Variants in PPFIA2 observed in about 807,000 individuals in gnomAD.
PPFIA2 encodes the protein PPFI scaffold protein A2, also known as liprin-alpha-2.
In PPFIA2, 46 loss-of-function variants were observed where a neutral mutation model predicts 175.5. The ratio of observed to expected loss-of-function variants is 0.26; its 90% CI spans 0.21 to 0.34. The LOEUF (loss-of-function observed/expected upper bound fraction) is 0.34. Among genes scored for constraint, PPFIA2 ranks in the 10% least tolerant of loss-of-function variants. The pLI, the probability that PPFIA2 is intolerant of heterozygous loss-of-function variation, is 1.00. For synonymous variants in PPFIA2, 568 were observed against 511.4 expected (o/e 1.11, Z -1.49); for missense variants, 1,179 against 1,506.1 (o/e 0.78, Z 3.60).
intron 4 of PPFIA2, among the ~76,000 whole-genome samples, chr12:81,625,159 A>G (rs148790564): frequency 1.3e-5 from 2 of 151,972 alleles, no homozygotes; most frequent in African/African-American, 4.8e-5. Flanking sequence ...ACACACATAT[A>G]TATATCTGTA....
chr12:81,512,381 T>C, intron 4 of PPFIA2: 1 of 1,286,818 alleles, frequency 7.8e-7, no homozygotes, highest in Non-Finnish European at 1.0e-6. Flanking sequence ...TCTCTGAGCA[T>C]TCTACCTTCT....
At chr12:81,488,640 G>C (rs1359729984) in intron 4 of PPFIA2, among the ~76,000 whole-genome samples, 1 of 151,684 alleles carries the variant, frequency 6.6e-6, no homozygotes, top group Non-Finnish European at 1.5e-5. Flanking sequence ...TCCTTGCCCT[G>C]TCTATTTGGA....
chr12:81,327,845 TATAAA>T (rs2055152645), intron 21 of PPFIA2, among the ~76,000 whole-genome samples: 1 of 152,088 alleles, frequency 6.6e-6, no homozygotes, highest in East Asian at 1.9e-4. Context: ...TTCTCATAAC[TATAAA>T]ATAAAAAGCA....
chr12:81,696,902 T>C (rs1349107498), intron 3 of PPFIA2, among the ~76,000 whole-genome samples: 1 of 152,034 alleles, frequency 6.6e-6, no homozygotes, highest in African/African-American at 2.4e-5. Context: ...CCTTATGCAC[T>C]TGAAAAGAAA....
At chr12:81,434,914 A>G (rs1031330835) in intron 7 of PPFIA2, among the ~76,000 whole-genome samples, 1 of 152,202 alleles carries the variant, frequency 6.6e-6, no homozygotes, top group African/African-American at 2.4e-5. Flanking sequence ...ACAAATAATA[A>G]CAGTTTGGCA....
intron 4 of PPFIA2, among the ~76,000 whole-genome samples, chr12:81,564,669 A>C (rs2070915813): frequency 6.6e-6 from 1 of 152,324 alleles, no homozygotes; most frequent in Admixed American, 6.5e-5. Context: ...AGAGGCAAGC[A>C]GTTTACTGAC....
chr12:81,442,892 T>A (rs1222030822), intron 6 of PPFIA2, among the ~76,000 whole-genome samples: 3 of 117,082 alleles, frequency 2.6e-5, no homozygotes, highest in African/African-American at 9.6e-5. Flanking sequence ...TATATATATA[T>A]ATATATAGTA....
chr12:81,536,034 G>A (rs2065321349), intron 4 of PPFIA2, among the ~76,000 whole-genome samples: 1 of 151,666 alleles, frequency 6.6e-6, no homozygotes, highest in African/African-American at 2.4e-5. Flanking sequence ...TTGTTCCTCA[G>A]ATTCATTTTC....
At chr12:81,335,062 T>C (rs918059994) in intron 21 of PPFIA2, among the ~76,000 whole-genome samples, 18 of 152,282 alleles carry the variant, frequency 1.2e-4, no homozygotes, top group African/African-American at 4.3e-4. Context: ...GTGTTTGGAA[T>C]TGATGCTGTG....
chr12:81,305,152 C>A (rs2048840471), intron 22 of PPFIA2, among the ~76,000 whole-genome samples: 1 of 152,072 alleles, frequency 6.6e-6, no homozygotes, highest in South Asian at 2.1e-4. Flanking sequence ...TACTTAATCT[C>A]TTTGAGACTT....
At chr12:81,340,997 A>T in intron 20 of PPFIA2, 81 bp downstream of exon 20, 1 of 1,364,624 alleles carries the variant, frequency 7.3e-7, no homozygotes, top group Admixed American at 2.1e-5. Flanking sequence ...ATTGTTAAGC[A>T]GTCTATTCGA....
chr12:81,368,676 C>A, intron 13 of PPFIA2, 49 bp downstream of exon 13: 1 of 1,555,504 alleles, frequency 6.4e-7, no homozygotes, highest in South Asian at 1.2e-5. Context: ...ATAAAACAAA[C>A]ATGAGCATTG....
intron 4 of PPFIA2, among the ~76,000 whole-genome samples, chr12:81,667,897 A>C (rs1482483659): frequency 6.6e-6 from 1 of 152,038 alleles, no homozygotes; most frequent in Non-Finnish European, 1.5e-5. Context: ...CCTGCATTCT[A>C]TCTGCTTCAT....
intron 4 of PPFIA2, among the ~76,000 whole-genome samples, chr12:81,525,161 A>G (rs1246777985): frequency 6.6e-6 from 1 of 152,170 alleles, no homozygotes; most frequent in Admixed American, 6.5e-5. Context: ...ACCCCTTTAG[A>G]TAGAGTCAAT....
intron 5 of PPFIA2, 112 bp from the exon 6 acceptor site, chr12:81,445,832 C>T: frequency 1.0e-6 from 1 of 973,796 alleles, no homozygotes. Context: ...ATGTTAGCTG[C>T]AGGTTACACT....
In PPFIA2 at chr12:81,267,036, TACAGTTACCATC is replaced by T. The variant is rs2037461504; in HGVS notation, c.3487-28_3487-17del. The T allele has an allele frequency of 6.3e-7, 1 of 1,584,680 alleles. No homozygotes were observed. The highest frequency in any genetic ancestry group is 8.7e-7 in the Non-Finnish European group (1 of 1,154,258). On this transcript the variant is annotated splice_polypyrimidine_tract_variant and intron_variant, in intron 29 of 32. Coordinates refer to ENST00000549396, the MANE Select transcript of PPFIA2 (RefSeq NM_003625.5). ...TCTGCCTTGCCTGTTGACGTCAAAT[TACAGTTACCATC>T]ACCGAAATCACATTTTATTTTAAAA...
At chr12:81,279,509 C>T (rs976803771) in intron 27 of PPFIA2, among the ~76,000 whole-genome samples, 1 of 152,038 alleles carries the variant, frequency 6.6e-6, no homozygotes. Flanking sequence ...ATACAGAGGA[C>T]ATATAATATT....
At chr12:81,281,698 C>T (rs1265905200) in intron 26 of PPFIA2, among the ~76,000 whole-genome samples, 1 of 151,854 alleles carries the variant, frequency 6.6e-6, no homozygotes, top group Non-Finnish European at 1.5e-5. Context: ...ACATTTTGTC[C>T]AAGTATGTAT....
At chr12:81,745,945 A>ATGGATCTGTGCATTAATAAGTTAGAT (rs1410301925) in intron 3 of PPFIA2, among the ~76,000 whole-genome samples, 2 of 146,410 alleles carry the variant, frequency 1.4e-5, no homozygotes, top group African/African-American at 2.4e-5. Context: ...ACAACAAACA[A>ATGGATCTGTGCATTAATAAGTTAGAT]ACAGCTTTCC....
Sources: gnomAD v4.1 joint callset for allele counts (sites outside exome capture counted in the v4.1 genomes callset) on GRCh38, gnomAD v4.1.1 for gene constraint, MANE v1.5 for transcripts, NCBI Gene and HGNC (gene_info 2026-07-23, HGNC 2026-07-21) for gene names.